Variants in BRIP1 observed in about 807,000 individuals in gnomAD.
BRIP1 encodes BRCA1 interacting DNA helicase 1.
A neutral mutation model predicts 119.7 loss-of-function variants in BRIP1; 88 were observed. The ratio of observed to expected loss-of-function variants is 0.74; its 90% CI spans 0.62 to 0.88. BRIP1 has a LOEUF of 0.88. Ranked by LOEUF, BRIP1 falls within the 40% of genes least tolerant of loss-of-function variation. The pLI is 0.00. For missense variants in BRIP1, 1,259 were observed against 1,455.4 expected, an observed-to-expected ratio of 0.87 and a Z score of 2.20; for synonymous variants, 443 against 496.5, an observed-to-expected ratio of 0.89 and a Z score of 1.43.
chr17:61,857,488 C>A lies in BRIP1; in HGVS notation c.206-257G>T, dbSNP rs546577834. On this transcript the variant is annotated intron_variant, in intron 3 of 19. Coordinates refer to ENST00000259008, the MANE Select transcript of BRIP1 (RefSeq NM_032043.3). This position sits in a 1 kb window ranked among gnomAD's most constrained non-coding sequence, Gnocchi z 5.1. ...CCTGTTATCCTAGCACTTTGGGAGG[C>A]CGAGGCAGGCACATCAATTGAAGTC... 8.9e-4 allele frequency among the ~76,000 whole-genome samples: 135 copies of A among 152,272 alleles called. No individual in the cohort carries two copies. Among genetic ancestry groups the A allele is most frequent in the African/African-American group, 3.0e-3 (125 of 41,550 alleles).
At position 61,834,472 on chromosome 17, in the gene BRIP1, T is replaced by G. The variant is rs1361073172; in HGVS notation, c.627+12629A>C. On this transcript the variant is annotated intron_variant, in intron 6 of 19. Coordinates refer to ENST00000259008, the MANE Select transcript of BRIP1 (RefSeq NM_032043.3). The surrounding 1 kb of genome is among the most constrained non-coding windows in gnomAD (Gnocchi z 4.4). ...GTTTACATATATACTCAGTTGATAC[T>G]GGGTATATATGTAATATATACTACG... 1.3e-5 allele frequency among the ~76,000 whole-genome samples: 2 copies of G among 152,274 alleles called. No individual in the cohort carries two copies. The highest frequency in any genetic ancestry group is 1.9e-4 in the East Asian group (1 of 5,188).
At position 61,789,058 on chromosome 17, in the gene BRIP1, G is replaced by A. The variant is rs2077776218; in HGVS notation, c.1473+4539C>T. The stretch of plus-strand genomic sequence containing the variant: ...TGCAGTGGGCTGAGATCACACCACT[G>A]CACTCCAGCCTGGTTAACAGAGTGA... On this transcript the variant is annotated intron_variant, in intron 10 of 19. Transcript: ENST00000259008. This position sits in a 1 kb window ranked among gnomAD's most constrained non-coding sequence, Gnocchi z 4.8. Among the ~76,000 whole-genome samples, 1 of 152,036 alleles carries A rather than the reference G, an allele frequency of 6.6e-6. No homozygotes were observed. The highest frequency in any genetic ancestry group is 6.6e-5 in the Admixed American group (1 of 15,256).
Position 61,767,011 on chromosome 17 carries a change from T to C in BRIP1, c.2097+9390A>G, listed in dbSNP as rs970049306. ...CAACAGAGTCAAAATCAAATTTATC[T>C]TAGTGGAAGAATGGCATTCCTCCTA... is the stretch of plus-strand genomic sequence containing the variant. On this transcript the variant is annotated intron_variant, in intron 14 of 19. Transcript: ENST00000259008. The surrounding 1 kb of genome is among the most constrained non-coding windows in gnomAD (Gnocchi z 5.7). 6.6e-6 allele frequency among the ~76,000 whole-genome samples: 1 copy of C among 152,158 alleles called. No homozygotes were observed. The highest frequency in any genetic ancestry group is 1.5e-5 in the Non-Finnish European group (1 of 68,040).
At chr17:61,772,713 G>C (rs2077474597) in intron 14 of BRIP1, among the ~76,000 whole-genome samples, 1 of 151,220 alleles carries the variant, frequency 6.6e-6, no homozygotes, top group Middle Eastern at 3.4e-3. Flanking sequence ...AGCTACTCAG[G>C]AGGCTGAGGC....
rs764011599 is a variant in BRIP1, at chr17:61,760,640, A to T, written c.2097+15761T>A. On this transcript the variant is annotated intron_variant, in intron 14 of 19. Coordinates refer to ENST00000259008, the MANE Select transcript of BRIP1 (RefSeq NM_032043.3). The surrounding 1 kb of genome is among the most constrained non-coding windows in gnomAD (Gnocchi z 4.6). Reference sequence around the variant, plus strand: ...AGAAATACAAAGGATCAAAGTGACTATTACAATTATATGCCAACAAAATAA... The same window carrying T: ...AGAAATACAAAGGATCAAAGTGACTTTTACAATTATATGCCAACAAAATAA... Among the ~76,000 whole-genome samples, 2 of 151,996 alleles carry T rather than the reference A, an allele frequency of 1.3e-5. No homozygotes were observed. The highest frequency in any genetic ancestry group is 4.8e-5 in the African/African-American group (2 of 41,446).
rs1284211627 is a variant in BRIP1, at chr17:61,738,289, C to T, written c.2379+4724G>A. On this transcript the variant is annotated intron_variant, in intron 16 of 19. Transcript: ENST00000259008. The surrounding 1 kb of genome is among the most constrained non-coding windows in gnomAD (Gnocchi z 4.2). ...GAGTTGTTACAGAAGAAGAACTGATCCAGACATATGGCAATAAGAAATACA... is the reference window on the plus strand; with the variant it reads ...GAGTTGTTACAGAAGAAGAACTGATTCAGACATATGGCAATAAGAAATACA... Among the ~76,000 whole-genome samples the T allele has an allele frequency of 6.6e-6, 1 of 152,052 alleles. No individual in the cohort carries two copies. Among genetic ancestry groups the T allele is most frequent in the East Asian group, 1.9e-4 (1 of 5,196 alleles).
At position 61,798,574 on chromosome 17, in the gene BRIP1, G is replaced by T; in HGVS notation, c.1340+526C>A. ...TACAATAAATGAAATGGGATTCAGAGTTGGGAAGTTTTTTTCTATGGTAAC... is the reference window on the plus strand; with the variant it reads ...TACAATAAATGAAATGGGATTCAGATTTGGGAAGTTTTTTTCTATGGTAAC... On this transcript the variant is annotated intron_variant, in intron 9 of 19. Transcript: ENST00000259008. The surrounding 1 kb of genome is among the most constrained non-coding windows in gnomAD (Gnocchi z 5.5). Among the ~76,000 whole-genome samples, 1 of 152,052 alleles carries T rather than the reference G, an allele frequency of 6.6e-6. No individual in the cohort carries two copies. The highest frequency in any genetic ancestry group is 2.4e-5 in the African/African-American group (1 of 41,528).
intron 6 of BRIP1, among the ~76,000 whole-genome samples, chr17:61,813,781 T>C (rs2078198502): frequency 6.6e-6 from 1 of 152,032 alleles, no homozygotes; most frequent in African/African-American, 2.4e-5. Flanking sequence ...AATCCCTATA[T>C]ATCAAGCCAC....
Position 61,710,456 on chromosome 17 carries a change from AGGTTTACTAAG to A in BRIP1, c.2492+5484_2492+5494del, listed in dbSNP as rs2061754173. Among the ~76,000 whole-genome samples, 1 of 152,230 alleles carries A rather than the reference AGGTTTACTAAG, an allele frequency of 6.6e-6. No individual in the cohort carries two copies. Among genetic ancestry groups the A allele is most frequent in the African/African-American group, 2.4e-5 (1 of 41,460 alleles). On this transcript the variant is annotated intron_variant, in intron 17 of 19. Coordinates refer to ENST00000259008, the MANE Select transcript of BRIP1 (RefSeq NM_032043.3). The surrounding 1 kb of genome is among the most constrained non-coding windows in gnomAD (Gnocchi z 5.4). ...ATACAGATAGCAACCAAAATGCTAT[AGGTTTACTAAG>A]GTATAAATAACTCTAGTTGGAGAAG... is the stretch of plus-strand genomic sequence containing the variant.
rs892308391 is a variant in BRIP1, at chr17:61,729,646, T to C, written c.2379+13367A>G. Among the ~76,000 whole-genome samples the C allele has an allele frequency of 6.6e-6, 1 of 152,180 alleles. No homozygotes were observed. Among genetic ancestry groups the C allele is most frequent in the Non-Finnish European group, 1.5e-5 (1 of 68,028 alleles). ...AAAGCTATCTACTGTATTTAGTGTATATTAGACTCTTGGTAAGTGCTTTAT... is the reference window on the plus strand; with the variant it reads ...AAAGCTATCTACTGTATTTAGTGTACATTAGACTCTTGGTAAGTGCTTTAT... On this transcript the variant is annotated intron_variant, in intron 16 of 19. Transcript: ENST00000259008. The surrounding 1 kb of genome is among the most constrained non-coding windows in gnomAD (Gnocchi z 5.6).
chr17:61,822,896 C>A lies in BRIP1; in HGVS notation c.628-14139G>T, dbSNP rs572776418. Among the ~76,000 whole-genome samples, 1 of 152,168 alleles carries A rather than the reference C, an allele frequency of 6.6e-6. No homozygotes were observed. The highest frequency in any genetic ancestry group is 6.5e-5 in the Admixed American group (1 of 15,282). On this transcript the variant is annotated intron_variant, in intron 6 of 19. Transcript: ENST00000259008. This position sits in a 1 kb window ranked among gnomAD's most constrained non-coding sequence, Gnocchi z 4.4. ...TGTTGAATTAATGGCTAAATTAGGT[C>A]GTAAGTTTCAAGAAGGCTGAGGAAC... is the stretch of plus-strand genomic sequence containing the variant.
At chr17:61,749,701 C>A (rs1412490885) in intron 14 of BRIP1, among the ~76,000 whole-genome samples, 4 of 152,006 alleles carry the variant, frequency 2.6e-5, no homozygotes, top group Non-Finnish European at 4.4e-5. Context: ...AAATAAAAAT[C>A]AAAATAAAAC....
rs1167839798 is a variant in BRIP1, at chr17:61,753,946, C to G, written c.2098-9355G>C. ...TACTACTGCTCATCCAATTCATCAG[C>G]AAATCCTGCCAGCACTACTTTTAAA... On this transcript the variant is annotated intron_variant, in intron 14 of 19. Transcript: ENST00000259008. The surrounding 1 kb of genome is among the most constrained non-coding windows in gnomAD (Gnocchi z 4.6). Among the ~76,000 whole-genome samples the G allele has an allele frequency of 6.6e-6, 1 of 152,128 alleles. No individual in the cohort carries two copies. The highest frequency in any genetic ancestry group is 1.5e-5 in the Non-Finnish European group (1 of 68,030).
intron 10 of BRIP1, among the ~76,000 whole-genome samples, chr17:61,791,665 G>C (rs2077819511): frequency 6.6e-6 from 1 of 151,862 alleles, no homozygotes; most frequent in Non-Finnish European, 1.5e-5. Flanking sequence ...ATTGAAGAGG[G>C]CAAAAAGTAT....
rs769542767 is a variant in BRIP1, at chr17:61,852,612, G to C, written c.380-3356C>G. On this transcript the variant is annotated intron_variant, in intron 4 of 19. Coordinates refer to ENST00000259008, the MANE Select transcript of BRIP1 (RefSeq NM_032043.3). The surrounding 1 kb of genome is among the most constrained non-coding windows in gnomAD (Gnocchi z 4.9). ...GAGCCTGGGAGCTGGCCAGTGCAGT[G>C]AGTTGAGATCGCACCACTGCACTCT... Among the ~76,000 whole-genome samples, 23 of 152,176 alleles carry C rather than the reference G, an allele frequency of 1.5e-4. No homozygotes were observed. The highest frequency in any genetic ancestry group is 2.8e-4 in the Non-Finnish European group (19 of 68,036).
intron 6 of BRIP1, among the ~76,000 whole-genome samples, chr17:61,839,834 A>C (rs964910251): frequency 5.3e-5 from 8 of 152,214 alleles, no homozygotes; most frequent in African/African-American, 1.9e-4. Flanking sequence ...CTTAAAAATA[A>C]AACAGATATA....
At position 61,857,738 on chromosome 17, in the gene BRIP1, A is replaced by G. The variant is rs911244396; in HGVS notation, c.206-507T>C. 4.6e-5 allele frequency among the ~76,000 whole-genome samples: 7 copies of G among 151,544 alleles called. No individual in the cohort carries two copies. ...GACTCTGTTTCAAAAACCAAAACAA[A>G]AACATTTATAGGGAAATTATCACCC... On this transcript the variant is annotated intron_variant, in intron 3 of 19. Coordinates refer to ENST00000259008, the MANE Select transcript of BRIP1 (RefSeq NM_032043.3). The surrounding 1 kb of genome is among the most constrained non-coding windows in gnomAD (Gnocchi z 5.1).
chr17:61,750,840 C>G (rs2144755552), intron 14 of BRIP1, among the ~76,000 whole-genome samples: 1 of 152,210 alleles, frequency 6.6e-6, no homozygotes, highest in South Asian at 2.1e-4. Flanking sequence ...GTAAGTGTTG[C>G]AAGGACACGC....
rs533938977 is a variant in BRIP1, at chr17:61,779,822, G to A, written c.1935+439C>T. Among the ~76,000 whole-genome samples, 15 of 151,826 alleles carry A rather than the reference G, an allele frequency of 9.9e-5. No individual in the cohort carries two copies. In the East Asian group the frequency reaches 1.7e-3, roughly 18 times the overall value. On this transcript the variant is annotated intron_variant, in intron 13 of 19. Coordinates refer to ENST00000259008, the MANE Select transcript of BRIP1 (RefSeq NM_032043.3). ...AAAATAAAAAATTAGCCAGGCGTGCGGCGCACACCTGTAATCTCAGCAACT... is the reference window on the plus strand; with the variant it reads ...AAAATAAAAAATTAGCCAGGCGTGCAGCGCACACCTGTAATCTCAGCAACT...
Sources: allele counts gnomAD v4.1 joint callset (sites outside exome capture counted in the v4.1 genomes callset), GRCh38; gene constraint gnomAD v4.1.1; non-coding constraint Gnocchi (gnomAD v3.1); transcripts MANE v1.5; gene names NCBI Gene and HGNC (gene_info 2026-07-23, HGNC 2026-07-21).